The following PCSK1 variants were observed in gnomAD, a reference collection of about 807,000 sequenced individuals.
PCSK1 encodes neuroendocrine convertase 1.
PCSK1 carries 56 observed loss-of-function variants against 90.6 expected under a neutral mutation model. That is an observed-to-expected ratio of 0.62 (90% CI 0.50 to 0.77). PCSK1 has a LOEUF of 0.77. PCSK1 is among the 30% of genes least tolerant of loss of function. PCSK1 has a pLI of 0.00. For synonymous variants in PCSK1, 348 were observed against 342.4 expected (o/e 1.02, Z -0.18); for missense variants, 801 against 932.6 (o/e 0.86, Z 1.84).
chr5:96,399,912 C>T, intron 10 of PCSK1, 41 bp downstream of exon 10: 3 of 1,444,972 alleles, frequency 2.1e-6, no homozygotes, highest in Non-Finnish European at 2.9e-6. Context: ...TGAAATTATG[C>T]CATGGGCACA....
chr5:96,425,960 A>G (rs1761294289), intron 2 of PCSK1, 30 bp from the exon 3 acceptor site: 3 of 1,256,232 alleles, frequency 2.4e-6, no homozygotes, highest in African/African-American at 2.9e-5. Context: ...AAGAAAATCA[A>G]AAGTCAAATA....
intron 6 of PCSK1, 79 bp downstream of exon 6, chr5:96,415,954 G>T: frequency 1.1e-6 from 1 of 895,794 alleles, no homozygotes; most frequent in East Asian, 2.4e-5. Flanking sequence ...AAAAAGAAAA[G>T]CTCCCCTCCC....
intron 6 of PCSK1, among the ~76,000 whole-genome samples, chr5:96,414,623 A>C (rs2112427220): frequency 6.6e-6 from 1 of 152,298 alleles, no homozygotes; most frequent in Admixed American, 6.5e-5. Flanking sequence ...GTAGGCTTGG[A>C]ATCTTGTGTT....
chr5:96,414,582 C>G (rs1760882306), intron 6 of PCSK1, among the ~76,000 whole-genome samples: 1 of 152,164 alleles, frequency 6.6e-6, no homozygotes, highest in Admixed American at 6.5e-5. Context: ...TGGGGCCAGA[C>G]CATCAAAGGA....
In PCSK1 at chr5:96,401,334, C is replaced by T. The variant is rs367964122; in HGVS notation, c.1197-1148G>A. On this transcript the variant is annotated intron_variant, in intron 9 of 13. Coordinates refer to ENST00000311106, the MANE Select transcript of PCSK1 (RefSeq NM_000439.5). ...GAGAAGAAGGCCACTGGAGCAAAAG[C>T]ACCAAAGTGGGACAGTACAGGTGTG... is the stretch of plus-strand genomic sequence containing the variant. Among the ~76,000 whole-genome samples, 115 of 152,156 alleles carry T rather than the reference C, an allele frequency of 7.6e-4. No homozygotes were observed. In the East Asian group the frequency reaches 0.018, roughly 24 times the overall value.
chr5:96,403,545 T>C (rs1307525584), intron 9 of PCSK1, among the ~76,000 whole-genome samples: 1 of 152,248 alleles, frequency 6.6e-6, no homozygotes, highest in Non-Finnish European at 1.5e-5. Flanking sequence ...CTTCCTTTGT[T>C]AATTTGTGCT....
chr5:96,419,165 G>A (rs1173444385), intron 5 of PCSK1, among the ~76,000 whole-genome samples: 3 of 151,760 alleles, frequency 2.0e-5, no homozygotes, highest in Admixed American at 2.0e-4. Flanking sequence ...CAGAATAAGG[G>A]TAGTATTTAA....
chr5:96,403,601 G>A (rs1190578157), intron 9 of PCSK1, among the ~76,000 whole-genome samples: 5 of 152,110 alleles, frequency 3.3e-5, no homozygotes, highest in Non-Finnish European at 7.4e-5. Flanking sequence ...GCATTGAGTG[G>A]CTAATCAAAG....
At chr5:96,426,525 G>A (rs568271671) in intron 2 of PCSK1, among the ~76,000 whole-genome samples, 3 of 152,168 alleles carry the variant, frequency 2.0e-5, no homozygotes, top group South Asian at 2.1e-4. Flanking sequence ...TACTGACCAC[G>A]CACACTTACC....
rs141863744 is a variant in PCSK1, at chr5:96,426,360, C to A, written c.286-430G>T. ...TTATAATGCTTTTATAGATTAATTTCTCTGTCTTTACATACAACAGGTAGA... is the reference window on the plus strand; with the variant it reads ...TTATAATGCTTTTATAGATTAATTTATCTGTCTTTACATACAACAGGTAGA... On this transcript the variant is annotated intron_variant, in intron 2 of 13. Transcript: ENST00000311106. Among the ~76,000 whole-genome samples, 1,266 of 152,210 alleles carry A rather than the reference C, an allele frequency of 8.3e-3. 28 individuals carry two copies. The highest frequency in any genetic ancestry group is 0.029 in the African/African-American group (1,210 of 41,522).
At chr5:96,395,387 T>C (rs1760100264) in intron 12 of PCSK1, among the ~76,000 whole-genome samples, 2 of 152,218 alleles carry the variant, frequency 1.3e-5, no homozygotes, top group Non-Finnish European at 2.9e-5. Context: ...CTATGGAGTA[T>C]TATAAACAAC....
chr5:96,425,028 GAA>G (rs1230424167), intron 3 of PCSK1, among the ~76,000 whole-genome samples: 1 of 83,540 alleles, frequency 1.2e-5, no homozygotes, highest in Non-Finnish European at 2.8e-5. Context: ...AAGAAAGAAA[GAA>G]AGAAAGAAAG....
intron 9 of PCSK1, among the ~76,000 whole-genome samples, chr5:96,400,500 T>G (rs1385370569): frequency 6.6e-6 from 1 of 152,184 alleles, no homozygotes. Context: ...TGCTTCCATT[T>G]AACTGAGCAA....
chr5:96,422,135 G>A (rs957698074), intron 4 of PCSK1, among the ~76,000 whole-genome samples, 179 bp from the exon 5 acceptor site: 6 of 151,918 alleles, frequency 3.9e-5, no homozygotes, highest in Non-Finnish European at 7.4e-5. Context: ...CACAAACCAG[G>A]CAGAGATGAT....
chr5:96,400,602 G>A (rs1580747289), intron 9 of PCSK1, among the ~76,000 whole-genome samples: 2 of 152,252 alleles, frequency 1.3e-5, no homozygotes, highest in East Asian at 1.9e-4. Flanking sequence ...ACCCACAGAC[G>A]AGGCCTTGAC....
intron 9 of PCSK1, among the ~76,000 whole-genome samples, chr5:96,404,594 T>C (rs918419516): frequency 2.6e-5 from 4 of 152,204 alleles, no homozygotes; most frequent in African/African-American, 9.6e-5. Context: ...AAGAAACTCA[T>C]AAATGCATGT....
Position 96,416,039 on chromosome 5 carries a change from C to A in PCSK1, c.703G>T (p.Val235Phe). ...CGVGVAYNSK[V>F]GGIRMLDGIV... ...GGACAATCCTCTGTTTTACCTCCAACTTTGGAATTGTATGCAACTCCAACC... is the reference window on the plus strand; with the variant it reads ...GGACAATCCTCTGTTTTACCTCCAAATTTGGAATTGTATGCAACTCCAACC... Residue 235 changes from valine to phenylalanine, a missense_variant, in exon 6 of 14, where the codon GTT (valine) becomes TTT (phenylalanine). By Grantham distance (50) the Val-to-Phe change is conservative. Transcript: ENST00000311106. 6.2e-7 allele frequency: 1 copy of A among 1,604,184 alleles called. No homozygotes were observed. Among genetic ancestry groups the A allele is most frequent in the East Asian group, 2.2e-5 (1 of 44,828 alleles).
intron 7 of PCSK1, 35 bp from the exon 8 acceptor site, chr5:96,411,021 T>C (rs1760737127): frequency 6.9e-7 from 1 of 1,443,392 alleles, no homozygotes. Flanking sequence ...TTATCTGTTA[T>C]CATCTATTGG....
intron 10 of PCSK1, among the ~76,000 whole-genome samples, chr5:96,399,683 C>T (rs1216960677): frequency 6.6e-6 from 1 of 152,116 alleles, no homozygotes; most frequent in Admixed American, 6.5e-5. Context: ...GGTGGTTGAT[C>T]ACAGTTTAAT....
Sources: allele counts gnomAD v4.1 joint callset (sites outside exome capture counted in the v4.1 genomes callset), GRCh38; gene constraint gnomAD v4.1.1; transcripts MANE v1.5; gene names NCBI Gene and HGNC (gene_info 2026-07-23, HGNC 2026-07-21).